The following RPS2 variants were observed in gnomAD, a reference collection of about 807,000 sequenced individuals.
RPS2 encodes the protein small ribosomal subunit protein uS5.
Under a neutral mutation model 25.3 loss-of-function variants are expected in RPS2, and 8 were observed. That is an observed-to-expected ratio of 0.32 (90% CI 0.19 to 0.57). The LOEUF is 0.57. Among genes scored for constraint, RPS2 ranks in the 20% least tolerant of loss-of-function variants. The probability of loss-of-function intolerance (pLI) is 0.90; values close to 1 mark genes in which losing one functional copy is unlikely to be tolerated. For missense variants in RPS2, 229 were observed against 408.1 expected (o/e 0.56, Z 3.78); for synonymous variants, 181 against 161.3 (o/e 1.12, Z -0.92).
rs548724720 is a variant in RPS2, at chr16:1,962,675, A to G, written c.550-19T>C. ...CTGTCACCTGGTGAGGGAAGGAGTC[A>G]GGAGACGGGGGCCCGAGGGAGCCTG... On this transcript the variant is annotated intron_variant, in intron 5 of 6. Transcript: ENST00000343262. 3.8e-6 allele frequency: 6 copies of G among 1,588,724 alleles called. No individual in the cohort carries two copies. The highest frequency in any genetic ancestry group is 2.1e-4 in the Middle Eastern group (1 of 4,702).
rs200964690 is a variant in RPS2, at chr16:1,962,659, G to A, written c.550-3C>T. The A allele has an allele frequency of 1.3e-6, 2 of 1,595,032 alleles. No individual in the cohort carries two copies. Among genetic ancestry groups the A allele is most frequent in the Admixed American group, 3.5e-5 (2 of 56,868 alleles). ...ACAGAGCCGCAGCGGCCTGTCACCT[G>A]GTGAGGGAAGGAGTCAGGAGACGGG... On this transcript the variant is annotated splice_polypyrimidine_tract_variant and splice_region_variant and intron_variant, in intron 5 of 6. Coordinates refer to ENST00000343262, the MANE Select transcript of RPS2 (RefSeq NM_002952.4).
chr16:1,963,099 G>T, intron 4 of RPS2, 50 bp downstream of exon 4: 1 of 1,471,076 alleles, frequency 6.8e-7, no homozygotes, highest in South Asian at 1.1e-5. Context: ...ATGCAGAGCC[G>T]AGAGAGTCCC....
At chr16:1,963,897 G>C (rs2083282504) in intron 3 of RPS2, 2 of 414,606 alleles carry the variant, frequency 4.8e-6, no homozygotes, top group African/African-American at 4.1e-5. Flanking sequence ...TGCACCCGCT[G>C]GATGCAGATG....
At chr16:1,963,000 G>A (rs755410550) in intron 4 of RPS2, 91 bp from the exon 5 acceptor site, 5 of 1,474,216 alleles carry the variant, frequency 3.4e-6, no homozygotes, top group Admixed American at 3.3e-5. Context: ...AGGAAAGAGA[G>A]GCCACAGTAA....
In RPS2 at chr16:1,963,135, G is replaced by T; in HGVS notation, c.375+14C>A. ...GGCAAGCCCAGCGCAGCCCCCTCCA[G>T]GACAGCCGGGTACCTTGAACCTGGT... On this transcript the variant is annotated intron_variant, in intron 4 of 6. Transcript: ENST00000343262. The T allele has an allele frequency of 6.2e-7, 1 of 1,601,080 alleles. No homozygotes were observed. Among genetic ancestry groups the T allele is most frequent in the Non-Finnish European group, 8.6e-7 (1 of 1,169,472 alleles).
At position 1,964,488 on chromosome 16, in the gene RPS2, T is replaced by C. The variant is rs78924165; in HGVS notation, c.138A>G (p.Arg46=). The part of the protein sequence containing the change: ...RGRGRGRGRG[R]GRGARGGKAE... ...CCTTGCCTCCGCGAGCTCCGCGGCC[T>C]CGGCCCCGGCCCCGTCCACGGCCGC... Residue 46 remains arginine, a synonymous_variant, in exon 2 of 7, where the codon CGA becomes CGG. Coordinates refer to ENST00000343262, the MANE Select transcript of RPS2 (RefSeq NM_002952.4). The C allele has an allele frequency of 4.0e-3, 6,414 of 1,607,308 alleles. 251 individuals carry two copies. In the African/African-American group the frequency reaches 0.076, roughly 19 times the overall value.
Position 1,964,497 on chromosome 16 carries a change from G to A in RPS2, c.129C>T (p.Gly43=). The A allele has an allele frequency of 1.2e-6, 2 of 1,604,234 alleles. No individual in the cohort carries two copies. Among genetic ancestry groups the A allele is most frequent in the African/African-American group, 1.3e-5 (1 of 74,662 alleles). Residue 43 remains glycine, a synonymous_variant, in exon 2 of 7, where the codon GGC becomes GGT. Transcript: ENST00000343262. ...IRGRGRGRGR[G]RGRGRGARGG... is the part of the protein sequence containing the mutation. ...CGCGAGCTCCGCGGCCTCGGCCCCG[G>A]CCCCGTCCACGGCCGCGACCCCGGC...
Position 1,964,559 on chromosome 16 carries a change from C to A in RPS2, c.67G>T (p.Gly23Cys). Reference protein sequence around the residue: ...GPGGPGMGNRGGFRGGFGSGI... With the variant: ...GPGGPGMGNRCGFRGGFGSGI... ...CTGCCGAAACCTCCGCGGAAGCCAC[C>A]GCGGTTCCCCATCCCAGGGCCACCA... is the stretch of plus-strand genomic sequence containing the variant. Residue 23 changes from glycine (G) to cysteine (C), a missense_variant, in exon 2 of 7, where the codon GGT becomes TGT. Gly to Cys is a radical substitution (Grantham distance 159, BLOSUM62 -3). Around this residue, in one of 7 missense-constraint regions of RPS2, gnomAD observed 70 missense variants for 119.0 expected, o/e 0.59. Coordinates refer to ENST00000343262, the MANE Select transcript of RPS2 (RefSeq NM_002952.4). 1 of 1,589,964 alleles carries A rather than the reference C, an allele frequency of 6.3e-7. No homozygotes were observed. Among genetic ancestry groups the A allele is most frequent in the Admixed American group, 1.7e-5 (1 of 57,672 alleles).
chr16:1,964,423 C>CG (rs1567318512), intron 2 of RPS2, 26 bp downstream of exon 2: 2 of 1,612,084 alleles, frequency 1.2e-6, no homozygotes, highest in Admixed American at 3.3e-5. Flanking sequence ...CCCAGGGGCC[C>CG]GACCCCGAGC....
chr16:1,963,318 T>C, intron 3 of RPS2, 62 bp from the exon 4 acceptor site: 2 of 1,098,110 alleles, frequency 1.8e-6, no homozygotes, highest in Non-Finnish European at 1.3e-6. Context: ...CATTATGATA[T>C]TCAAGAACCA....
intron 3 of RPS2, chr16:1,963,696 C>A: frequency 2.5e-6 from 1 of 407,534 alleles, no homozygotes; most frequent in Non-Finnish European, 5.0e-6. Context: ...TTTTTGGAAG[C>A]TTGTATGTAA....
rs1158100558 is a variant in RPS2 at position 1,964,588 on chromosome 16, C to T, written c.38G>A (p.Gly13Asp). ...GTTCCCCATCCCAGGGCCACCAGGG[C>T]CCCCGGGCCCCCCCGCTGCACCGGC... The part of the protein sequence containing the change: ...DDAGAAGGPG[G>D]PGGPGMGNRG... Residue 13 changes from glycine to aspartate, a missense_variant, in exon 2 of 7, where the codon GGC becomes GAC. Transcript: ENST00000343262. 3.3e-6 allele frequency: 5 copies of T among 1,534,534 alleles called. No homozygotes were observed. The highest frequency in any genetic ancestry group is 4.3e-5 in the Admixed American group (2 of 46,648).
chr16:1,963,854 C>T (rs1341065349), intron 3 of RPS2: 4 of 443,918 alleles, frequency 9.0e-6, no homozygotes, highest in Admixed American at 8.0e-5. Flanking sequence ...GGCGAACGCT[C>T]ACATGACAAA....
Position 1,962,068 on chromosome 16 carries a change from A to C in RPS2, c.*30T>G. 6.6e-7 allele frequency: 1 copy of C among 1,522,342 alleles called. No individual in the cohort carries two copies. Among genetic ancestry groups the C allele is most frequent in the South Asian group, 1.2e-5 (1 of 82,578 alleles). The allele number at this position is 1,522,342 out of a possible 1,614,324, so 94.3% of individuals were successfully genotyped here. ...ACGGGAAAAAAACAGTAACACGCTT[A>C]ATTCACTTTATTTTTCTTGTATAAA... On this transcript the variant is annotated 3_prime_UTR_variant, in exon 7 of 7. Coordinates refer to ENST00000343262, the MANE Select transcript of RPS2 (RefSeq NM_002952.4).
intron 3 of RPS2, chr16:1,963,986 T>C (rs1258532898): frequency 6.6e-6 from 3 of 452,092 alleles, no homozygotes; most frequent in Admixed American, 3.5e-5. Flanking sequence ...TTCATCATCC[T>C]CTCGGATGGC....
Position 1,962,927 on chromosome 16 carries a change from T to C in RPS2, c.376-18A>G, listed in dbSNP as rs2083269787. 6.3e-7 allele frequency: 1 copy of C among 1,597,694 alleles called. No homozygotes were observed. The highest frequency in any genetic ancestry group is 8.5e-7 in the Non-Finnish European group (1 of 1,177,190). On this transcript the variant is annotated intron_variant, in intron 4 of 6. Coordinates refer to ENST00000343262, the MANE Select transcript of RPS2 (RefSeq NM_002952.4). ...ACAAATGCCTGCGAAAAGATGTGTG[T>C]GAGGCAGCTGGTGGCCCTACACCCA...
chr16:1,963,648 CTCA>C, intron 3 of RPS2: 1 of 348,654 alleles, frequency 2.9e-6, no homozygotes, highest in South Asian at 2.1e-5. Flanking sequence ...CATGAACCCC[CTCA>C]CCTGGCTTCC....
intron 4 of RPS2, 96 bp downstream of exon 4, chr16:1,963,053 G>C (rs531724813): frequency 1.5e-6 from 2 of 1,366,314 alleles, no homozygotes; most frequent in Non-Finnish European, 2.1e-6. Flanking sequence ...CTCTCTCCCC[G>C]TTACGAAAGT....
rs141249935 is a variant in RPS2, at chr16:1,962,965, C to T, written c.376-56G>A. ...GGCCCTACACCCAATCACTGCCCACCGCCCAGGGCCTGTTGCACCCCTCAA... is the reference window on the plus strand; with the variant it reads ...GGCCCTACACCCAATCACTGCCCACTGCCCAGGGCCTGTTGCACCCCTCAA... On this transcript the variant is annotated intron_variant, in intron 4 of 6. Transcript: ENST00000343262. The T allele has an allele frequency of 6.4e-4, 1,002 of 1,564,266 alleles. 1 individual carries two copies. The highest frequency in any genetic ancestry group is 5.8e-3 in the African/African-American group (434 of 74,282).
Sources: gnomAD v4.1 joint callset for allele counts on GRCh38, gnomAD v4.1.1 for gene constraint, gnomAD v4.1.1 regional missense constraint, MANE v1.5 for transcripts, NCBI Gene and HGNC (gene_info 2026-07-23, HGNC 2026-07-21) for gene names.